The following TOPBP1 variants were observed in gnomAD, a reference collection of about 807,000 sequenced individuals.
TOPBP1 encodes DNA topoisomerase II binding protein 1, also known as DNA topoisomerase 2-binding protein 1.
In TOPBP1, 28 loss-of-function variants were observed where a neutral mutation model predicts 167.7. The observed-to-expected ratio is 0.17, with a 90% CI of 0.12 to 0.23. The LOEUF (loss-of-function observed/expected upper bound fraction) is 0.23, where lower values mean the gene tolerates loss of function less well. TOPBP1 is among the 10% of genes least tolerant of loss of function. The pLI is 1.00. For synonymous variants in TOPBP1, 598 were observed against 611.4 expected (o/e 0.98, Z 0.32); for missense variants, 1,554 against 1,809.6 (o/e 0.86, Z 2.56).
At chr3:133,651,171 CTTTTTT>C (rs1176625452) in intron 8 of TOPBP1, among the ~76,000 whole-genome samples, 6 of 82,090 alleles carry the variant, frequency 7.3e-5, no homozygotes, top group Non-Finnish European at 1.3e-4. Context: ...CCGAATTTCC[CTTTTTT>C]TTTTTTTTTT....
At chr3:133,637,109 A>AAAAC (rs1935702414) in intron 14 of TOPBP1, among the ~76,000 whole-genome samples, 4 of 152,200 alleles carry the variant, frequency 2.6e-5, no homozygotes, top group Admixed American at 2.6e-4. Context: ...CACAATAAAA[A>AAAAC]TTATTAAAAT....
At chr3:133,636,490 GAAAGA>G (rs1458071879) in intron 14 of TOPBP1, among the ~76,000 whole-genome samples, 1 of 151,856 alleles carries the variant, frequency 6.6e-6, no homozygotes, top group Non-Finnish European at 1.5e-5. Context: ...CATCAAAAAA[GAAAGA>G]AAAAAGAGGA....
At chr3:133,608,849 T>A in intron 26 of TOPBP1, 24 bp downstream of exon 26, 1 of 1,593,908 alleles carries the variant, frequency 6.3e-7, no homozygotes, top group Non-Finnish European at 8.5e-7. Context: ...TGTAAAAAGG[T>A]CAGTAAATTA....
At chr3:133,651,375 A>G (rs1054136514) in intron 8 of TOPBP1, among the ~76,000 whole-genome samples, 10 of 151,596 alleles carry the variant, frequency 6.6e-5, no homozygotes, top group African/African-American at 9.7e-5. Context: ...TTTTTAGTAG[A>G]GACAGGGTTT....
chr3:133,649,001 T>C (rs1283682310), intron 10 of TOPBP1, among the ~76,000 whole-genome samples: 1 of 152,194 alleles, frequency 6.6e-6, no homozygotes, highest in South Asian at 2.1e-4. Flanking sequence ...TTTACCTTAC[T>C]ACATGATAAG....
intron 5 of TOPBP1, among the ~76,000 whole-genome samples, chr3:133,656,051 A>C (rs984483310): frequency 1.3e-5 from 2 of 151,268 alleles, no homozygotes; most frequent in African/African-American, 4.9e-5. Flanking sequence ...ATGCCAATAC[A>C]ATTCTGTGGT....
At chr3:133,615,157 C>T (rs1367169603) in intron 23 of TOPBP1, among the ~76,000 whole-genome samples, 1 of 151,072 alleles carries the variant, frequency 6.6e-6, no homozygotes, top group Non-Finnish European at 1.5e-5. Flanking sequence ...TTTCCTGATA[C>T]TTCAGGGCCA....
Position 133,656,737 on chromosome 3 carries a change from G to A in TOPBP1, c.484C>T (p.Leu162=), listed in dbSNP as rs376506190. Residue 162 remains leucine, a synonymous_variant, in exon 5 of 28, where the codon CTG becomes TTG. Coordinates refer to ENST00000260810, the MANE Select transcript of TOPBP1 (RefSeq NM_007027.4). ...GAGGGAAGCAAAATAGGTTTCTTCA[G>A]GTTTGCAGCAACTAAATATTTTTTG... is the stretch of plus-strand genomic sequence containing the variant. ...GSKKYLVAAN[L]KKPILLPSWI... is the part of the protein sequence containing the mutation. 2 of 1,612,600 alleles carry A rather than the reference G, an allele frequency of 1.2e-6. No homozygotes were observed. Among genetic ancestry groups the A allele is most frequent in the African/African-American group, 2.7e-5 (2 of 74,800 alleles).
rs1393226818 is a variant in TOPBP1 at position 133,608,617 on chromosome 3, T to C, written c.4343A>G (p.Asp1448Gly). 6 of 1,613,646 alleles carry C rather than the reference T, an allele frequency of 3.7e-6. No homozygotes were observed. The African/African-American group carries it at 5.3e-5, about 14-fold the overall frequency. Residue 1448 changes from aspartate (D) to glycine (G), a missense_variant, in exon 27 of 28, where the codon GAC becomes GGC. This residue lies in a region of TOPBP1 where 351 missense variants were observed against 432.9 expected (regional missense o/e 0.81). Transcript: ENST00000260810. The stretch of plus-strand genomic sequence containing the variant: ...AGCTTCTGCTATATTAACTCCTGAG[T>C]CATCTGGTTTCAGTTTATTCAAGTC... ...FSDLNKLKPD[D>G]SGVNIAEAAA...
At position 133,645,886 on chromosome 3, in the gene TOPBP1, T is replaced by C. The variant is rs373045742; in HGVS notation, c.1505-1523A>G. ...CCCTAGGGCCGGGCGCGGTGGCTCA[T>C]GCCTGTAATCCCAGCACTTTGGGAG... On this transcript the variant is annotated intron_variant, in intron 10 of 27. Transcript: ENST00000260810. Among the ~76,000 whole-genome samples, 97 of 152,210 alleles carry C rather than the reference T, an allele frequency of 6.4e-4. 1 individual carries two copies. The highest frequency in any genetic ancestry group is 3.4e-3 in the Middle Eastern group (1 of 294).
chr3:133,602,621 A>T (rs140880338), intron 27 of TOPBP1, among the ~76,000 whole-genome samples: 1 of 152,324 alleles, frequency 6.6e-6, no homozygotes, highest in Non-Finnish European at 1.5e-5. Flanking sequence ...AGCAGAGGTC[A>T]GCACACTTTC....
At chr3:133,603,004 T>C (rs1351710440) in intron 27 of TOPBP1, among the ~76,000 whole-genome samples, 1 of 151,262 alleles carries the variant, frequency 6.6e-6, no homozygotes, top group African/African-American at 2.4e-5. Context: ...CAAGTGATTC[T>C]CCTGCCTCAG....
intron 27 of TOPBP1, among the ~76,000 whole-genome samples, chr3:133,607,414 T>C (rs148301379): frequency 6.8e-4 from 104 of 152,238 alleles, no homozygotes; most frequent in African/African-American, 2.3e-3. Context: ...TATTTTTTCA[T>C]TTTTCCTGGG....
At chr3:133,610,922 G>A (rs1934652628) in intron 25 of TOPBP1, 82 bp downstream of exon 25, 15 of 1,363,500 alleles carry the variant, frequency 1.1e-5, no homozygotes, top group Middle Eastern at 2.1e-4. Context: ...ATTTCCTGAA[G>A]CACATTCTCT....
At chr3:133,652,153 CA>C (rs1225850169) in intron 8 of TOPBP1, among the ~76,000 whole-genome samples, 1 of 151,628 alleles carries the variant, frequency 6.6e-6, no homozygotes. Flanking sequence ...AAAAAAAATC[CA>C]ATAAGTTGTT....
rs763168700 is a variant in TOPBP1 at position 133,649,931 on chromosome 3, C to T, written c.1102G>A (p.Gly368Ser). The T allele has an allele frequency of 1.4e-5, 23 of 1,591,994 alleles. No individual in the cohort carries two copies. Among genetic ancestry groups the T allele is most frequent in the East Asian group, 2.2e-5 (1 of 44,570 alleles). ...LLDGCRIYLC[G>S]FSGRKLDKLR... ...TTATCTAGCTTTCTGCCACTAAAACCGCAAAGATATATCTGCAAGAAAGAA... is the reference window on the plus strand; with the variant it reads ...TTATCTAGCTTTCTGCCACTAAAACTGCAAAGATATATCTGCAAGAAAGAA... The change falls in exon 9 of 28, where the codon GGT (glycine) becomes AGT (serine). Residue 368 changes from glycine to serine, a missense_variant. Gly to Ser is a moderately conservative substitution (Grantham distance 56, BLOSUM62 0). Coordinates refer to ENST00000260810, the MANE Select transcript of TOPBP1 (RefSeq NM_007027.4).
At chr3:133,605,622 G>A (rs1445946841) in intron 27 of TOPBP1, among the ~76,000 whole-genome samples, 1 of 152,034 alleles carries the variant, frequency 6.6e-6, no homozygotes, top group Non-Finnish European at 1.5e-5. Context: ...AGGAATAAAA[G>A]GACTCTTCCT....
intron 16 of TOPBP1, among the ~76,000 whole-genome samples, chr3:133,625,223 C>T (rs1935230610): frequency 1.3e-5 from 2 of 152,194 alleles, no homozygotes; most frequent in Admixed American, 6.5e-5. Context: ...CCTTGCGCTC[C>T]CAAAGTGCTG....
chr3:133,620,292 T>A lies in TOPBP1; in HGVS notation c.3234A>T (p.Ile1078=). Residue 1078 remains isoleucine (I), a synonymous_variant, in exon 20 of 28, where the codon ATA becomes ATT. Coordinates refer to ENST00000260810, the MANE Select transcript of TOPBP1 (RefSeq NM_007027.4). The part of the protein sequence containing the change: ...RENFQKQLQE[I]MSATSIVKPQ... The stretch of plus-strand genomic sequence containing the variant: ...GTTTCACTATTGATGTTGCAGACAT[T>A]ATCTCCTGTAACTGCTTCTGAAAGT... The A allele has an allele frequency of 6.2e-7, 1 of 1,614,006 alleles. No homozygotes were observed. Among genetic ancestry groups the A allele is most frequent in the Non-Finnish European group, 8.5e-7 (1 of 1,179,898 alleles).
Sources: gnomAD v4.1 joint callset for allele counts (sites outside exome capture counted in the v4.1 genomes callset) on GRCh38, gnomAD v4.1.1 for gene constraint, gnomAD v4.1.1 regional missense constraint, MANE v1.5 for transcripts, NCBI Gene and HGNC (gene_info 2026-07-23, HGNC 2026-07-21) for gene names.